The following TUSC7 variants were observed in gnomAD, a reference collection of about 807,000 sequenced individuals.
The protein encoded by TUSC7 is tumor suppressor candidate 7.
At chr3:116,716,734 G>C (rs1482138399) in intron 1 of TUSC7, 1 of 152,162 alleles carries the variant, frequency 6.6e-6, no homozygotes, top group Non-Finnish European at 1.5e-5. Context: ...CCCTCTTGTA[G>C]AGCCACAGGG....
chr3:116,710,505 A>G (rs1036639243), intron 1 of TUSC7: 3 of 152,174 alleles, frequency 2.0e-5, no homozygotes, highest in Non-Finnish European at 2.9e-5. Context: ...GTACAGCCAT[A>G]CAATGAGATA....
intron 1 of TUSC7, among the ~76,000 whole-genome samples, chr3:116,711,979 C>T (rs2051466616): frequency 6.6e-6 from 1 of 152,032 alleles, no homozygotes; most frequent in South Asian, 2.1e-4. Flanking sequence ...TTTTGTGAGG[C>T]ACATTTTATG....
chr3:116,713,469 A>G (rs781327885), intron 1 of TUSC7, among the ~76,000 whole-genome samples: 12 of 152,196 alleles, frequency 7.9e-5, no homozygotes, highest in Non-Finnish European at 7.3e-5. Context: ...CAAGTCTGCT[A>G]AGAGATGTCA....
At chr3:116,715,339 G>A (rs1185872110) in intron 1 of TUSC7, among the ~76,000 whole-genome samples, 1 of 152,150 alleles carries the variant, frequency 6.6e-6, no homozygotes, top group Non-Finnish European at 1.5e-5. Context: ...TGGGTACATA[G>A]CAAGGAGCAT....
At chr3:116,715,934 A>G (rs1001214052) in intron 1 of TUSC7, among the ~76,000 whole-genome samples, 1 of 152,170 alleles carries the variant, frequency 6.6e-6, no homozygotes, top group Non-Finnish European at 1.5e-5. Flanking sequence ...ACTCCATTTA[A>G]TTCCAGTTCA....
At chr3:116,716,624 T>C (rs750614990) in intron 1 of TUSC7, 4 of 152,142 alleles carry the variant, frequency 2.6e-5, no homozygotes, top group Non-Finnish European at 4.4e-5. Flanking sequence ...GATGAGCTAA[T>C]CAAAAGAAAA....
At chr3:116,710,993 T>A (rs527453278) in intron 1 of TUSC7, among the ~76,000 whole-genome samples, 1 of 152,290 alleles carries the variant, frequency 6.6e-6, no homozygotes. Context: ...AAACTTTCAT[T>A]CTTATGAATC....
intron 1 of TUSC7, among the ~76,000 whole-genome samples, chr3:116,711,891 A>G (rs1460383849): frequency 6.6e-6 from 1 of 152,210 alleles, no homozygotes; most frequent in East Asian, 1.9e-4. Flanking sequence ...AAGTAAACCT[A>G]AACCTAAATC....
At chr3:116,715,065 A>T (rs928427634) in intron 1 of TUSC7, among the ~76,000 whole-genome samples, 2 of 152,178 alleles carry the variant, frequency 1.3e-5, no homozygotes, top group Non-Finnish European at 2.9e-5. Flanking sequence ...CAGAATGTTA[A>T]TAGTTAGAAT....
intron 1 of TUSC7, among the ~76,000 whole-genome samples, chr3:116,710,779 A>T (rs1490559667): frequency 6.6e-6 from 1 of 152,098 alleles, no homozygotes; most frequent in Non-Finnish European, 1.5e-5. Flanking sequence ...AAGAGACATG[A>T]TTACCTTTAC....
At chr3:116,710,565 C>T (rs1480273371) in intron 1 of TUSC7, 2 of 151,934 alleles carry the variant, frequency 1.3e-5, no homozygotes, top group Admixed American at 1.3e-4. Flanking sequence ...TATTTCTCTA[C>T]TAAAATTTTA....
chr3:116,714,551 T>C (rs533000937), intron 1 of TUSC7, among the ~76,000 whole-genome samples: 1 of 152,280 alleles, frequency 6.6e-6, no homozygotes, highest in South Asian at 2.1e-4. Flanking sequence ...TTCTAAAACA[T>C]CTCCAGATGA....
intron 1 of TUSC7, among the ~76,000 whole-genome samples, chr3:116,716,027 G>A (rs1400759673): frequency 1.3e-5 from 2 of 152,182 alleles, no homozygotes. Flanking sequence ...AAGGCCAGAA[G>A]GGGCAATTTG....
intron 1 of TUSC7, among the ~76,000 whole-genome samples, chr3:116,716,019 G>A (rs1012975003): frequency 2.6e-5 from 4 of 152,250 alleles, no homozygotes; most frequent in African/African-American, 9.6e-5. Context: ...GTGGAAGAAA[G>A]GCCAGAAGGG....
intron 1 of TUSC7, among the ~76,000 whole-genome samples, chr3:116,715,090 C>CT (rs960631539): frequency 4.6e-5 from 7 of 152,160 alleles, no homozygotes; most frequent in African/African-American, 1.4e-4. Flanking sequence ...CAGCATATAG[C>CT]TTTTTTCAGA....
intron 1 of TUSC7, among the ~76,000 whole-genome samples, chr3:116,711,225 G>A (rs547063318): frequency 6.6e-6 from 1 of 152,116 alleles, no homozygotes; most frequent in Admixed American, 6.5e-5. Context: ...AAGAAGTAAG[G>A]GCATGCAGAT....
intron 1 of TUSC7, among the ~76,000 whole-genome samples, chr3:116,713,402 A>C (rs2107471993): frequency 6.6e-6 from 1 of 152,296 alleles, no homozygotes. Flanking sequence ...ATAATATACC[A>C]TCCCAAGCAA....
rs2051495023 is a variant in TUSC7, at chr3:116,715,143, T to G, written n.99-2618T>G. The stretch of plus-strand genomic sequence containing the variant: ...GTAATATGCATTTAAGATTTCTCCA[T>G]GCATTTTCATGGCTTGATAGCTCAT... On this transcript the variant is annotated intron_variant and non_coding_transcript_variant, in intron 1 of 2. Coordinates refer to ENST00000477805, the Ensembl canonical transcript of TUSC7. 2.0e-5 allele frequency among the ~76,000 whole-genome samples: 3 copies of G among 152,352 alleles called. 1 individual carries two copies. In the South Asian group the frequency reaches 6.2e-4, roughly 32 times the overall value.
At chr3:116,710,813 G>C (rs923566705) in intron 1 of TUSC7, among the ~76,000 whole-genome samples, 2 of 152,178 alleles carry the variant, frequency 1.3e-5, no homozygotes, top group South Asian at 2.1e-4. Flanking sequence ...ACAATAAGGA[G>C]TTATTGTGCC....
Sources: allele counts gnomAD v4.1 joint callset (sites outside exome capture counted in the v4.1 genomes callset), GRCh38; gene constraint gnomAD v4.1.1; transcripts MANE v1.5; gene names NCBI Gene and HGNC (gene_info 2026-07-23, HGNC 2026-07-21).